Variants in TOP2A observed in about 807,000 individuals in gnomAD.
The protein encoded by TOP2A is DNA topoisomerase II alpha.
Under a neutral mutation model 187.2 loss-of-function variants are expected in TOP2A, and 68 were observed. That is an observed-to-expected ratio of 0.36 (90% CI 0.30 to 0.44). TOP2A has a LOEUF of 0.44. Among genes scored for constraint, TOP2A ranks in the 20% least tolerant of loss-of-function variants. TOP2A has a pLI of 1.00. For synonymous variants in TOP2A, 542 were observed against 593.2 expected, an observed-to-expected ratio of 0.91 and a Z score of 1.25; for missense variants, 1,196 against 1,808.7, an observed-to-expected ratio of 0.66 and a Z score of 6.14.
At position 40,404,168 on chromosome 17, in the gene TOP2A, G is replaced by T; in HGVS notation, c.2267C>A (p.Ser756Tyr). The change falls in exon 19 of 35, where the codon TCT (serine) becomes TAT (tyrosine). Residue 756 changes from serine to tyrosine, a missense_variant. Coordinates refer to ENST00000423485, the MANE Select transcript of TOP2A (RefSeq NM_001067.4). ...TGTGTTTACCTCACCATGATGATAA[G>T]AAGACATTTCAGCCACTGATCCAGC... The part of the protein sequence containing the change: ...QLAGSVAEMS[S>Y]YHHGEMSLMM... The T allele has an allele frequency of 6.2e-7, 1 of 1,613,662 alleles. No individual in the cohort carries two copies. Among genetic ancestry groups the T allele is most frequent in the Non-Finnish European group, 8.5e-7 (1 of 1,179,784 alleles).
At chr17:40,391,768 A>T in intron 32 of TOP2A, 128 bp from the exon 33 acceptor site, 1 of 1,068,452 alleles carries the variant, frequency 9.4e-7, no homozygotes, top group Non-Finnish European at 1.3e-6. Context: ...TATTTAAAAC[A>T]TACTCTTAAA....
At chr17:40,407,810 AG>A in intron 12 of TOP2A, 136 bp from the exon 13 acceptor site, 1 of 1,174,640 alleles carries the variant, frequency 8.5e-7, no homozygotes, top group Non-Finnish European at 1.2e-6. Flanking sequence ...TACATCAGAA[AG>A]GTCTGTTAAA....
chr17:40,394,406 C>T (rs980695718), intron 29 of TOP2A, among the ~76,000 whole-genome samples: 3 of 152,198 alleles, frequency 2.0e-5, no homozygotes, highest in African/African-American at 7.2e-5. Flanking sequence ...AGTCTTGGCT[C>T]TCTGCAACCT....
At position 40,411,177 on chromosome 17, in the gene TOP2A, C is replaced by T. The variant is rs2143679919; in HGVS notation, c.1135G>A (p.Glu379Lys). Residue 379 changes from glutamate (E) to lysine (K), a missense_variant, in exon 10 of 35, where the codon GAA becomes AAA. Glu to Lys is a moderately conservative substitution (Grantham distance 56). Coordinates refer to ENST00000423485, the MANE Select transcript of TOP2A (RefSeq NM_001067.4). This position sits in a 1 kb window ranked among gnomAD's most constrained non-coding sequence, Gnocchi z 4.4. ...ENPTFDSQTK[E>K]NMTLQPKSFG... is the part of the protein sequence containing the mutation. Reference sequence around the variant, plus strand: ...CTCTTGGGTTGTAAAGTCATGTTTTCTTTTGTCTGAGAGTCAAAGGTTGGG... The same window carrying T: ...CTCTTGGGTTGTAAAGTCATGTTTTTTTTTGTCTGAGAGTCAAAGGTTGGG... 1.2e-6 allele frequency: 2 copies of T among 1,613,460 alleles called. No individual in the cohort carries two copies. The highest frequency in any genetic ancestry group is 1.7e-6 in the Non-Finnish European group (2 of 1,179,730).
At chr17:40,395,382 A>C in intron 29 of TOP2A, 67 bp downstream of exon 29, 1 of 992,672 alleles carries the variant, frequency 1.0e-6, no homozygotes, top group Non-Finnish European at 1.5e-6. Context: ...ATCTATGTGG[A>C]ATGTACTAGG....
chr17:40,392,356 A>G lies in TOP2A; in HGVS notation c.3965-15T>C, dbSNP rs889264595. 3.2e-6 allele frequency: 5 copies of G among 1,573,962 alleles called. No individual in the cohort carries two copies. The African/African-American group carries it at 4.1e-5, about 13-fold the overall frequency. ...TTTTGTTTTTGCTAGTAAAAAAACC[A>G]TATACAAAAAAATCAAAGAGGGTAG... On this transcript the variant is annotated splice_polypyrimidine_tract_variant and intron_variant, in intron 30 of 34. Transcript: ENST00000423485.
Position 40,400,854 on chromosome 17 carries a change from G to C in TOP2A, c.2660C>G (p.Pro887Arg), listed in dbSNP as rs1382290191. 2.5e-6 allele frequency: 4 copies of C among 1,613,790 alleles called. No individual in the cohort carries two copies. The highest frequency in any genetic ancestry group is 3.4e-6 in the Non-Finnish European group (4 of 1,179,736). ...RRLMDGEEPL[P>R]MLPSYKNFKG... Reference sequence around the variant, plus strand: ...TAACACACACAGAATACTTACCATTGGCAAAGGTTCTTCTCCATCCATCAA... The same window carrying C: ...TAACACACACAGAATACTTACCATTCGCAAAGGTTCTTCTCCATCCATCAA... Residue 887 changes from proline to arginine, a missense_variant, in exon 21 of 35, where the codon CCA becomes CGA. By Grantham distance (103) the Pro-to-Arg change is moderately radical. Coordinates refer to ENST00000423485, the MANE Select transcript of TOP2A (RefSeq NM_001067.4).
intron 18 of TOP2A, 48 bp from the exon 19 acceptor site, chr17:40,404,321 T>C (rs2035213888): frequency 6.2e-7 from 1 of 1,608,672 alleles, no homozygotes; most frequent in Non-Finnish European, 8.5e-7. Flanking sequence ...ATTTAACCAA[T>C]TTTGGAATTT....
In TOP2A at chr17:40,404,346, A is replaced by G. The variant is rs747211124; in HGVS notation, c.2161+31T>C. On this transcript the variant is annotated intron_variant, in intron 18 of 34. Coordinates refer to ENST00000423485, the MANE Select transcript of TOP2A (RefSeq NM_001067.4). ...TTTTGGAATTTGATTTCCATCTTAC[A>G]ATGAAAACAGACTAACAAATTGGAA... 1.1e-5 allele frequency: 18 copies of G among 1,606,038 alleles called. No homozygotes were observed. The African/African-American group carries it at 2.1e-4, about 19-fold the overall frequency.
intron 27 of TOP2A, among the ~76,000 whole-genome samples, chr17:40,397,285 CT>C (rs11331486): frequency 0.73 from 95,346 of 131,104 alleles, 34,622 homozygotes; most frequent in Middle Eastern, 0.88. Context: ...CTGCTTTCTC[CT>C]TTTTTTTTTT....
In TOP2A at chr17:40,389,212, C is replaced by T. The variant is rs115936222; in HGVS notation, c.*307G>A. On this transcript the variant is annotated 3_prime_UTR_variant, in exon 35 of 35. Coordinates refer to ENST00000423485, the MANE Select transcript of TOP2A (RefSeq NM_001067.4). ...GATGGTTAATAAACACACTGCTTTA[C>T]GCTGAAGTGATCAGATAGCTATTTC... The T allele has an allele frequency of 3.8e-3, 1,061 of 276,898 alleles. 7 individuals are homozygous for T. The highest frequency in any genetic ancestry group is 0.017 in the Middle Eastern group (16 of 932). The allele number at this position is 276,898 out of a possible 1,614,324, so 17.2% of individuals were successfully genotyped here. A position where few individuals can be genotyped will look rare whatever the true frequency, so the allele number is the denominator to read the frequency against.
intron 27 of TOP2A, 42 bp from the exon 28 acceptor site, chr17:40,396,507 A>G: frequency 6.3e-7 from 1 of 1,584,202 alleles, no homozygotes; most frequent in Non-Finnish European, 8.6e-7. Context: ...ATGTTAACAA[A>G]AACATTACAA....
intron 16 of TOP2A, 97 bp from the exon 17 acceptor site, chr17:40,404,980 T>A: frequency 5.5e-6 from 4 of 732,398 alleles, no homozygotes; most frequent in South Asian, 3.6e-5. Context: ...AAAACAAAAA[T>A]ACTGTTTTCC....
Position 40,406,884 on chromosome 17 carries a change from G to A in TOP2A, c.1685C>T (p.Pro562Leu). Residue 562 changes from proline to leucine, a missense_variant, in exon 14 of 35, where the codon CCC (proline) becomes CTC (leucine). Pro to Leu is a moderately conservative substitution (Grantham distance 98). Transcript: ENST00000423485. ...LLINFIHHNW[P>L]SLLRHRFLEE... ...CAGAAAACGATGTCGCAGAAGAGAG[G>A]GCCAGTTGTGATGGATAAAATTAAT... 6.2e-7 allele frequency: 1 copy of A among 1,607,716 alleles called. No homozygotes were observed. The highest frequency in any genetic ancestry group is 8.5e-7 in the Non-Finnish European group (1 of 1,176,574).
At chr17:40,397,285 C>CTT (rs11331486) in intron 27 of TOP2A, among the ~76,000 whole-genome samples, 55 of 131,200 alleles carry the variant, frequency 4.2e-4, no homozygotes, top group African/African-American at 1.2e-3. Flanking sequence ...CTGCTTTCTC[C>CTT]TTTTTTTTTT....
intron 29 of TOP2A, 103 bp downstream of exon 29, chr17:40,395,346 C>T: frequency 2.3e-6 from 1 of 435,004 alleles, no homozygotes; most frequent in South Asian, 2.8e-5. Flanking sequence ...TTTCACGTTT[C>T]TCAATTCAAC....
chr17:40,392,274 A>C lies in TOP2A; in HGVS notation c.4032T>G (p.Asp1344Glu). ...EDFSDFDEKTDDEDFVPSDAS... is the reference protein window; with the variant it reads ...EDFSDFDEKTEDEDFVPSDAS... ...CATCTGATGGGACAAAATCTTCATC[A>C]TCAGTTTTTTCATCAAAATCTGAGA... The change falls in exon 31 of 35, where the codon GAT (aspartate) becomes GAG (glutamate). Residue 1344 changes from aspartate to glutamate, a missense_variant. Physicochemically the swap from Asp to Glu is conservative, Grantham distance 45. Transcript: ENST00000423485. 2 of 1,611,944 alleles carry C rather than the reference A, an allele frequency of 1.2e-6. No homozygotes were observed. The highest frequency in any genetic ancestry group is 1.7e-6 in the Non-Finnish European group (2 of 1,178,884).
chr17:40,402,961 T>G lies in TOP2A; in HGVS notation c.2377A>C (p.Arg793=), dbSNP rs2035199739. The part of the protein sequence containing the change: ...LLQPIGQFGT[R]LHGGKDSASP... ...GCAGAATCCTTGCCACCATGTAGCC[T>G]GGTACCAAACTGACCAATGGGCTGC... Residue 793 remains arginine, a synonymous_variant, in exon 20 of 35, where the codon AGG becomes CGG. Coordinates refer to ENST00000423485, the MANE Select transcript of TOP2A (RefSeq NM_001067.4). The G allele has an allele frequency of 6.2e-7, 1 of 1,608,926 alleles. No individual in the cohort carries two copies. Among genetic ancestry groups the G allele is most frequent in the African/African-American group, 1.3e-5 (1 of 75,036 alleles).
chr17:40,405,775 C>CT (rs200680545), intron 16 of TOP2A, among the ~76,000 whole-genome samples: 11 of 145,526 alleles, frequency 7.6e-5, no homozygotes, highest in South Asian at 2.2e-4. Context: ...GGCCTTTTTC[C>CT]TTTTTTTTTG....
Sources: gnomAD v4.1 joint callset for allele counts (sites outside exome capture counted in the v4.1 genomes callset) on GRCh38, gnomAD v4.1.1 for gene constraint, Gnocchi (gnomAD v3.1) non-coding constraint, MANE v1.5 for transcripts, NCBI Gene and HGNC (gene_info 2026-07-23, HGNC 2026-07-21) for gene names.